Variants in H2BC4 observed in about 807,000 individuals in gnomAD.
H2BC4 encodes histone H2B type 1-C/E/F/G/I.
In H2BC4, 10 loss-of-function variants were observed where a neutral mutation model predicts 6.2. The ratio of observed to expected loss-of-function variants is 1.61; its 90% confidence interval spans 0.99 to 2.73. The LOEUF (loss-of-function observed/expected upper bound fraction) is 2.73. Among genes scored for constraint, H2BC4 ranks in the 30% most tolerant of loss-of-function variants. The probability of loss-of-function intolerance (pLI) is 0.00; values close to 1 mark genes in which losing one functional copy is unlikely to be tolerated. For synonymous variants in H2BC4, 146 were observed against 70.7 expected (o/e 2.07, Z -5.35); for missense variants, 176 against 168.7 (o/e 1.04, Z -0.24).
chr6:26,113,511 C>A (rs1561952660), downstream of H2BC4, among the ~76,000 whole-genome samples: 1 of 152,126 alleles, frequency 6.6e-6, no homozygotes, highest in African/African-American at 2.4e-5. Context: ...GTGGAGGAGT[C>A]CTGGCCTTGG....
At chr6:26,117,147 G>A (rs1013115028) in intron 1 of H2BC4, among the ~76,000 whole-genome samples, 4 of 151,890 alleles carry the variant, frequency 2.6e-5, no homozygotes, top group East Asian at 1.9e-4. Context: ...GTTGGACCCC[G>A]GTAAACATAC....
At chr6:26,113,956 G>T (rs1393727124), downstream of H2BC4, among the ~76,000 whole-genome samples, 1 of 151,724 alleles carries the variant, frequency 6.6e-6, no homozygotes. Context: ...TATCCAGTTA[G>T]GAACCCATCC....
downstream of H2BC4, chr6:26,123,277 A>T (rs545608798): frequency 3.1e-6 from 2 of 637,410 alleles, no homozygotes; most frequent in East Asian, 6.6e-5. Context: ...GCTTGTCTCC[A>T]TTTTAAATTT....
downstream of H2BC4, chr6:26,123,330 T>G (rs548119883): frequency 5.1e-6 from 5 of 978,918 alleles, no homozygotes. Context: ...AATGGCTGGC[T>G]TCTTTCGGGT....
downstream of H2BC4, among the ~76,000 whole-genome samples, chr6:26,122,883 T>C (rs1763522234): frequency 6.6e-6 from 1 of 152,130 alleles, no homozygotes; most frequent in Non-Finnish European, 1.5e-5. Flanking sequence ...CATCTTTAGT[T>C]CTGTACTGCC....
Position 26,123,892 on chromosome 6 carries a change from C to T in H2BC4, c.13G>A (p.Ala5Thr), listed in dbSNP as rs1142845. 7.4e-6 allele frequency: 12 copies of T among 1,613,828 alleles called. No individual in the cohort carries two copies. The highest frequency in any genetic ancestry group is 3.3e-5 in the Admixed American group (2 of 59,884). Residue 5 changes from alanine to threonine, a missense_variant, in exon 1 of 1, where the codon GCC (alanine) becomes ACC (threonine). Transcript: ENST00000396984. ...TTCTTCGGGGCGGGAGCAGACTTGGCTGGCTCAGGCATCTTAAAACACCAG... is the reference window on the plus strand; with the variant it reads ...TTCTTCGGGGCGGGAGCAGACTTGGTTGGCTCAGGCATCTTAAAACACCAG... MPEP[A>T]KSAPAPKKGS...
chr6:26,117,426 A>G (rs889639099), intron 1 of H2BC4, among the ~76,000 whole-genome samples: 8 of 152,216 alleles, frequency 5.3e-5, no homozygotes, highest in Admixed American at 1.3e-4. Flanking sequence ...GAGAGATTAA[A>G]TGACCTGCCT....
chr6:26,119,396 T>C (rs73391393), downstream of H2BC4, among the ~76,000 whole-genome samples: 2,401 of 152,274 alleles, frequency 0.016, 66 homozygotes, highest in African/African-American at 0.052. Context: ...AATTTAGAAA[T>C]TGTCCAGGTA....
intron 1 of H2BC4, among the ~76,000 whole-genome samples, chr6:26,115,550 A>C (rs1448228104): frequency 6.6e-6 from 1 of 152,222 alleles, no homozygotes; most frequent in African/African-American, 2.4e-5. Context: ...CAGTGAGGAA[A>C]AAGACTTAGT....
chr6:26,123,507 A>T lies in H2BC4; in HGVS notation c.*17T>A. On this transcript the variant is annotated 3_prime_UTR_variant, in exon 1 of 1. Coordinates refer to ENST00000396984, the MANE Select transcript of H2BC4 (RefSeq NM_003526.3). ...AGAGCCTTTGGGGTTAGGTGTTAAG[A>T]CGCTTACTTGGAATGTTTACTTGGA... 6.2e-7 allele frequency: 1 copy of T among 1,614,166 alleles called. No individual in the cohort carries two copies. The highest frequency in any genetic ancestry group is 1.3e-5 in the African/African-American group (1 of 75,040).
Position 26,123,877 on chromosome 6 carries a change from C to A in H2BC4, c.28G>T (p.Ala10Ser), listed in dbSNP as rs114182342. MPEPAKSAPAPKKGSKKAVT... is the reference protein window; with the variant it reads MPEPAKSAPSPKKGSKKAVT... ...GCCTTCTTGGAGCCCTTCTTCGGGG[C>A]GGGAGCAGACTTGGCTGGCTCAGGC... The change falls in exon 1 of 1, where the codon GCC becomes TCC. Residue 10 changes from alanine to serine, a missense_variant. Coordinates refer to ENST00000396984, the MANE Select transcript of H2BC4 (RefSeq NM_003526.3). 9 of 1,614,100 alleles carry A rather than the reference C, an allele frequency of 5.6e-6. No homozygotes were observed. The African/African-American group carries it at 6.7e-5, about 12-fold the overall frequency.
chr6:26,122,618 C>T (rs1296489517), downstream of H2BC4, among the ~76,000 whole-genome samples: 1 of 152,188 alleles, frequency 6.6e-6, no homozygotes, highest in Non-Finnish European at 1.5e-5. Context: ...GCGCCTAGTC[C>T]TTACTGGCCT....
downstream of H2BC4, among the ~76,000 whole-genome samples, chr6:26,118,935 A>G (rs1763463139): frequency 6.6e-6 from 1 of 152,206 alleles, no homozygotes; most frequent in Admixed American, 6.5e-5. Flanking sequence ...TCATGGCTAT[A>G]TAAAAATAAG....
exon 2 of H2BC4, chr6:26,114,979 T>C (rs1763401344): frequency 6.6e-6 from 1 of 152,196 alleles, no homozygotes; most frequent in Non-Finnish European, 1.5e-5. Context: ...CTAATTTTTC[T>C]CAGCCAGGTG....
At chr6:26,116,510 T>G (rs929910040) in intron 1 of H2BC4, among the ~76,000 whole-genome samples, 3 of 151,728 alleles carry the variant, frequency 2.0e-5, no homozygotes, top group Admixed American at 6.6e-5. Context: ...CTGGGCAACA[T>G]AGTAAGACCC....
At position 26,123,509 on chromosome 6, in the gene H2BC4, G is replaced by T. The variant is rs889612538; in HGVS notation, c.*15C>A. 1.2e-6 allele frequency: 2 copies of T among 1,614,088 alleles called. No homozygotes were observed. The highest frequency in any genetic ancestry group is 2.7e-5 in the African/African-American group (2 of 74,928). On this transcript the variant is annotated 3_prime_UTR_variant, in exon 1 of 1. Coordinates refer to ENST00000396984, the MANE Select transcript of H2BC4 (RefSeq NM_003526.3). Reference sequence around the variant, plus strand: ...AGCCTTTGGGGTTAGGTGTTAAGACGCTTACTTGGAATGTTTACTTGGAGC... The same window carrying T: ...AGCCTTTGGGGTTAGGTGTTAAGACTCTTACTTGGAATGTTTACTTGGAGC...
chr6:26,114,523 G>A (rs943846293), downstream of H2BC4, among the ~76,000 whole-genome samples: 3 of 151,942 alleles, frequency 2.0e-5, no homozygotes, highest in African/African-American at 7.3e-5. Flanking sequence ...TAGCAATTTG[G>A]CAATGTATAT....
rs573771217 is a variant in H2BC4, at chr6:26,123,879, G to A, written c.26C>T (p.Pro9Leu). 1 of 1,614,154 alleles carries A rather than the reference G, an allele frequency of 6.2e-7. No individual in the cohort carries two copies. The highest frequency in any genetic ancestry group is 2.2e-5 in the East Asian group (1 of 44,874). MPEPAKSAPAPKKGSKKAV... is the reference protein window; with the variant it reads MPEPAKSALAPKKGSKKAV... ...CTTCTTGGAGCCCTTCTTCGGGGCG[G>A]GAGCAGACTTGGCTGGCTCAGGCAT... The change falls in exon 1 of 1, where the codon CCC becomes CTC. Residue 9 changes from proline to leucine, a missense_variant. Physicochemically the swap from Pro to Leu is moderately conservative, Grantham distance 98. Coordinates refer to ENST00000396984, the MANE Select transcript of H2BC4 (RefSeq NM_003526.3).
At chr6:26,117,463 A>T (rs1391962311) in intron 1 of H2BC4, among the ~76,000 whole-genome samples, 1 of 152,206 alleles carries the variant, frequency 6.6e-6, no homozygotes, top group Non-Finnish European at 1.5e-5. Flanking sequence ...ATATGTGGTG[A>T]TCTGGGAGTC....
Sources: gnomAD v4.1 joint callset for allele counts (sites outside exome capture counted in the v4.1 genomes callset) on GRCh38, gnomAD v4.1.1 for gene constraint, MANE v1.5 for transcripts, NCBI Gene and HGNC (gene_info 2026-07-23, HGNC 2026-07-21) for gene names.